Variants in GLRA1 observed in about 807,000 individuals in gnomAD.
The protein encoded by GLRA1 is glycine receptor subunit alpha-1.
Under a neutral mutation model 48.3 loss-of-function variants are expected in GLRA1, and 37 were observed. The ratio of observed to expected loss-of-function variants is 0.77; its 90% CI spans 0.59 to 1.01. GLRA1 has a LOEUF of 1.01. Among genes scored for constraint, GLRA1 ranks in the 50% least tolerant of loss-of-function variants. The probability of loss-of-function intolerance (pLI) is 0.00; values close to 1 mark genes in which losing one functional copy is unlikely to be tolerated. For missense variants in GLRA1, 427 were observed against 571.0 expected, an observed-to-expected ratio of 0.75 and a Z score of 2.57; for synonymous variants, 196 against 210.7, an observed-to-expected ratio of 0.93 and a Z score of 0.60.
intron 3 of GLRA1, among the ~76,000 whole-genome samples, chr5:151,873,758 G>A (rs1753552809): frequency 6.6e-6 from 1 of 151,878 alleles, no homozygotes; most frequent in African/African-American, 2.4e-5. Context: ...CCCAGAATAA[G>A]TATGGCCCCA....
chr5:151,855,227 T>C (rs1468110414), intron 5 of GLRA1, 50 bp from the exon 6 acceptor site: 1 of 1,590,780 alleles, frequency 6.3e-7, no homozygotes, highest in Non-Finnish European at 8.6e-7. Context: ...AGCACTTGTT[T>C]GAAGCATGTC....
intron 7 of GLRA1, among the ~76,000 whole-genome samples, chr5:151,842,834 G>C (rs540880404): frequency 6.6e-6 from 1 of 152,280 alleles, no homozygotes; most frequent in African/African-American, 2.4e-5. Flanking sequence ...ACATGGTCTT[G>C]TATAAAGAAA....
intron 1 of GLRA1, among the ~76,000 whole-genome samples, chr5:151,897,262 C>T (rs948940370): frequency 6.6e-6 from 1 of 152,222 alleles, no homozygotes; most frequent in Admixed American, 6.5e-5. Flanking sequence ...CCTGGTGAAT[C>T]TGATGTGCTG....
At chr5:151,877,067 C>G (rs1753644138) in intron 3 of GLRA1, among the ~76,000 whole-genome samples, 1 of 152,216 alleles carries the variant, frequency 6.6e-6, no homozygotes, top group African/African-American at 2.4e-5. Flanking sequence ...ACTTGGACTT[C>G]TAACCTCCAG....
chr5:151,886,848 G>T, intron 2 of GLRA1, 60 bp from the exon 3 acceptor site: 1 of 1,217,046 alleles, frequency 8.2e-7, no homozygotes, highest in Non-Finnish European at 1.2e-6. Context: ...CACAGGGTAG[G>T]ACTCATTCCC....
In GLRA1 at chr5:151,854,308, C is replaced by T. The variant is rs763358622; in HGVS notation, c.697+732G>A. 6.6e-5 allele frequency among the ~76,000 whole-genome samples: 10 copies of T among 152,214 alleles called. No homozygotes were observed. The East Asian group carries it at 9.6e-4, about 15-fold the overall frequency. Reference sequence around the variant, plus strand: ...GGCTTTCTACTTACACCAGAGCCTACGATGGTTTCTCTCAATCTCTCTCTT... The same window carrying T: ...GGCTTTCTACTTACACCAGAGCCTATGATGGTTTCTCTCAATCTCTCTCTT... On this transcript the variant is annotated intron_variant, in intron 6 of 8. Coordinates refer to ENST00000274576, the MANE Select transcript of GLRA1 (RefSeq NM_000171.4).
chr5:151,862,801 G>A (rs1374460185), intron 3 of GLRA1, among the ~76,000 whole-genome samples: 2 of 152,188 alleles, frequency 1.3e-5, no homozygotes, highest in African/African-American at 4.8e-5. Context: ...ATAGAATATA[G>A]GTTAGGAATA....
At chr5:151,896,154 C>T (rs1198765309) in intron 1 of GLRA1, among the ~76,000 whole-genome samples, 1 of 152,192 alleles carries the variant, frequency 6.6e-6, no homozygotes, top group African/African-American at 2.4e-5. Flanking sequence ...GAACCCTCCC[C>T]AAAGCTGAAG....
intron 6 of GLRA1, among the ~76,000 whole-genome samples, chr5:151,853,467 G>A (rs1752960342): frequency 6.6e-6 from 1 of 150,836 alleles, no homozygotes; most frequent in African/African-American, 2.4e-5. Flanking sequence ...TGTTGGTTAG[G>A]CTGGTCTAAA....
chr5:151,893,696 T>C (rs1009392743), intron 1 of GLRA1, among the ~76,000 whole-genome samples: 2 of 152,174 alleles, frequency 1.3e-5, no homozygotes, highest in Non-Finnish European at 2.9e-5. Flanking sequence ...AACTCATTCT[T>C]TTTTATGGCT....
At chr5:151,870,087 A>T (rs1464562701) in intron 3 of GLRA1, among the ~76,000 whole-genome samples, 1 of 149,748 alleles carries the variant, frequency 6.7e-6, no homozygotes, top group Non-Finnish European at 1.5e-5. Flanking sequence ...TTTTTATTAA[A>T]TATTAAATAC....
At chr5:151,856,894 A>G (rs188714185) in intron 4 of GLRA1, among the ~76,000 whole-genome samples, 1 of 152,262 alleles carries the variant, frequency 6.6e-6, no homozygotes, top group Admixed American at 6.5e-5. Flanking sequence ...ACACAAATAA[A>G]GGAATTTAGC....
intron 2 of GLRA1, among the ~76,000 whole-genome samples, chr5:151,887,815 C>A (rs1753953657): frequency 6.6e-6 from 1 of 152,118 alleles, no homozygotes; most frequent in South Asian, 2.1e-4. Context: ...AAGAGAAATG[C>A]AAGACCATGG....
intron 5 of GLRA1, 72 bp from the exon 6 acceptor site, chr5:151,855,249 G>T: frequency 6.7e-7 from 1 of 1,481,498 alleles, no homozygotes; most frequent in Non-Finnish European, 9.4e-7. Context: ...GGATTGGTTA[G>T]GGTTAGAGAC....
intron 1 of GLRA1, among the ~76,000 whole-genome samples, chr5:151,910,058 T>G (rs575968184): frequency 6.6e-6 from 1 of 152,220 alleles, no homozygotes; most frequent in Non-Finnish European, 1.5e-5. Flanking sequence ...ACATTTTGCT[T>G]CCAGCACAAT....
intron 3 of GLRA1, among the ~76,000 whole-genome samples, chr5:151,868,162 C>G (rs1753382648): frequency 6.6e-6 from 1 of 152,206 alleles, no homozygotes; most frequent in Non-Finnish European, 1.5e-5. Flanking sequence ...TGTCTCAACT[C>G]TCTCATTTTA....
intron 3 of GLRA1, among the ~76,000 whole-genome samples, chr5:151,871,799 C>T (rs1388960644): frequency 6.7e-6 from 1 of 149,572 alleles, no homozygotes; most frequent in Non-Finnish European, 1.5e-5. Flanking sequence ...CTCCTGACTT[C>T]GTGATCTGCC....
chr5:151,906,343 A>G (rs567344279), intron 1 of GLRA1, among the ~76,000 whole-genome samples: 2 of 152,382 alleles, frequency 1.3e-5, no homozygotes, highest in African/African-American at 4.8e-5. Context: ...GAACTTAGAA[A>G]AATCCGAAGA....
intron 6 of GLRA1, among the ~76,000 whole-genome samples, chr5:151,854,311 T>C (rs1334770577): frequency 6.6e-6 from 1 of 152,238 alleles, no homozygotes; most frequent in Non-Finnish European, 1.5e-5. Flanking sequence ...GAGCCTACGA[T>C]GGTTTCTCTC....
Sources: allele counts gnomAD v4.1 joint callset (sites outside exome capture counted in the v4.1 genomes callset), GRCh38; gene constraint gnomAD v4.1.1; transcripts MANE v1.5; gene names NCBI Gene and HGNC (gene_info 2026-07-23, HGNC 2026-07-21).